Variants in CDC42EP3 observed in about 807,000 individuals in gnomAD.
The protein encoded by CDC42EP3 is CDC42 effector protein 3.
In CDC42EP3, 4 loss-of-function variants were observed where a neutral mutation model predicts 15.5. That is an observed-to-expected ratio of 0.26 (90% confidence interval 0.13 to 0.59). The LOEUF (loss-of-function observed/expected upper bound fraction) is 0.59. Ranked by LOEUF, CDC42EP3 falls within the 20% of genes least tolerant of loss-of-function variation. The pLI, the probability that CDC42EP3 is intolerant of heterozygous loss-of-function variation, is 0.89. For missense variants in CDC42EP3, 309 were observed against 311.2 expected (o/e 0.99, Z 0.05); for synonymous variants, 145 against 130.3 (o/e 1.11, Z -0.77).
chr2:37,664,169 A>G (rs754644103), intron 1 of CDC42EP3, among the ~76,000 whole-genome samples: 12 of 152,054 alleles, frequency 7.9e-5, no homozygotes, highest in Non-Finnish European at 1.5e-4. Flanking sequence ...GTGAGACTCC[A>G]TCTCAAAACA....
chr2:37,644,442 G>C lies in CDC42EP3; in HGVS notation c.*1381C>G, dbSNP rs566376508. 6.6e-6 allele frequency: 1 copy of C among 152,190 alleles called. No homozygotes were observed. Among genetic ancestry groups the C allele is most frequent in the Non-Finnish European group, 1.5e-5 (1 of 68,026 alleles). 9.4% of individuals were successfully genotyped at this position (152,190 alleles called of 1,614,324 possible). A position where few individuals can be genotyped will look rare whatever the true frequency, so the allele number is the denominator to read the frequency against. On this transcript the variant is annotated 3_prime_UTR_variant, in exon 2 of 2. Transcript: ENST00000295324. ...GGCATCTCTGGCACCTTGGGGTCGG[G>C]TAAGTGCTCTCTACTGCCCTCGTTT...
chr2:37,671,337 C>A (rs1666412065), intron 1 of CDC42EP3, 89 bp downstream of exon 1: 2 of 152,384 alleles, frequency 1.3e-5, no homozygotes, highest in African/African-American at 4.8e-5. Flanking sequence ...CAGCCTAACA[C>A]CAGCGCACGC....
chr2:37,653,995 A>C (rs1051169330), intron 1 of CDC42EP3, among the ~76,000 whole-genome samples: 1 of 152,144 alleles, frequency 6.6e-6, no homozygotes, highest in Non-Finnish European at 1.5e-5. Context: ...TTGCCTCAGC[A>C]CAGTCGCACT....
At chr2:37,665,585 T>C (rs1473416637) in intron 1 of CDC42EP3, among the ~76,000 whole-genome samples, 3 of 152,252 alleles carry the variant, frequency 2.0e-5, no homozygotes, top group Admixed American at 2.0e-4. Context: ...GATTATGATG[T>C]ATTTGGACAG....
chr2:37,653,484 G>C (rs899632019), intron 1 of CDC42EP3, among the ~76,000 whole-genome samples: 4 of 152,116 alleles, frequency 2.6e-5, no homozygotes, highest in African/African-American at 9.7e-5. Context: ...CTGAAGCGGT[G>C]CTTTGCTTCA....
chr2:37,672,720 G>A (rs1666473583), upstream of CDC42EP3, among the ~76,000 whole-genome samples: 1 of 152,248 alleles, frequency 6.6e-6, no homozygotes, highest in African/African-American at 2.4e-5. Context: ...GGTCAGCCAG[G>A]GGAGGGGGCT....
chr2:37,652,452 G>T (rs554038391), intron 1 of CDC42EP3, among the ~76,000 whole-genome samples: 1 of 152,314 alleles, frequency 6.6e-6, no homozygotes, highest in Non-Finnish European at 1.5e-5. Context: ...CCAGATGAGA[G>T]AATTTTAGCT....
intron 1 of CDC42EP3, among the ~76,000 whole-genome samples, chr2:37,657,689 A>G (rs1665920940): frequency 6.6e-6 from 1 of 152,166 alleles, no homozygotes; most frequent in South Asian, 2.1e-4. Context: ...GAACACACCT[A>G]TGCCTATTCA....
intron 1 of CDC42EP3, among the ~76,000 whole-genome samples, chr2:37,670,045 A>T (rs1666357969): frequency 6.6e-6 from 1 of 152,226 alleles, no homozygotes; most frequent in African/African-American, 2.4e-5. Context: ...AACTGTCCAG[A>T]AAAGAAGAGA....
At chr2:37,654,818 G>C (rs555228721) in intron 1 of CDC42EP3, among the ~76,000 whole-genome samples, 1 of 152,244 alleles carries the variant, frequency 6.6e-6, no homozygotes, top group Admixed American at 6.5e-5. Flanking sequence ...TTTGGGATCA[G>C]AAACACTAAA....
intron 1 of CDC42EP3, among the ~76,000 whole-genome samples, chr2:37,663,190 A>G (rs1034198418): frequency 2.1e-5 from 3 of 145,952 alleles, no homozygotes; most frequent in African/African-American, 8.0e-5. Flanking sequence ...AAAACAAAAC[A>G]AAACAAAAAA....
At chr2:37,657,834 A>G (rs1665928143) in intron 1 of CDC42EP3, among the ~76,000 whole-genome samples, 1 of 152,122 alleles carries the variant, frequency 6.6e-6, no homozygotes, top group Non-Finnish European at 1.5e-5. Flanking sequence ...TCTAGTGGGT[A>G]GAAGCCAGGA....
In CDC42EP3 at chr2:37,644,544, C is replaced by T. The variant is rs1020274195; in HGVS notation, c.*1279G>A. The T allele has an allele frequency of 1.3e-5, 2 of 150,874 alleles. No homozygotes were observed. Among genetic ancestry groups the T allele is most frequent in the African/African-American group, 4.9e-5 (2 of 40,904 alleles). The allele number at this position is 150,874 out of a possible 1,614,324, so 9.3% of individuals were successfully genotyped here. ...CCTTACAGGGATGAAACTGGACTTG[C>T]AAGAGTTTGCTGTAGAAGGTGTTCA... On this transcript the variant is annotated 3_prime_UTR_variant, in exon 2 of 2. Transcript: ENST00000295324.
chr2:37,657,001 C>CCCCCCG (rs1208218676), intron 1 of CDC42EP3, among the ~76,000 whole-genome samples: 84 of 103,194 alleles, frequency 8.1e-4, no homozygotes, highest in East Asian at 8.0e-3. Flanking sequence ...CCCCCCGCCC[C>CCCCCCG]CCGCCATCCT....
intron 1 of CDC42EP3, among the ~76,000 whole-genome samples, chr2:37,667,591 A>G (rs1360981552): frequency 6.6e-6 from 1 of 152,138 alleles, no homozygotes; most frequent in Non-Finnish European, 1.5e-5. Flanking sequence ...GCTTATGTTA[A>G]CCCTAGCAGT....
At chr2:37,670,480 CACT>C (rs1274926089) in intron 1 of CDC42EP3, among the ~76,000 whole-genome samples, 1 of 146,082 alleles carries the variant, frequency 6.8e-6, no homozygotes, top group East Asian at 1.9e-4. Context: ...TTAATTCGCT[CACT>C]TTTTTTTTTT....
chr2:37,649,720 C>T (rs1449855215), intron 1 of CDC42EP3, among the ~76,000 whole-genome samples: 2 of 152,078 alleles, frequency 1.3e-5, no homozygotes, highest in Non-Finnish European at 2.9e-5. Context: ...CTTGCCCAGC[C>T]ACAGGCACCA....
In CDC42EP3 at chr2:37,645,678, TA is replaced by T; in HGVS notation, c.*144del. 1.4e-6 allele frequency: 1 copy of T among 690,634 alleles called. No individual in the cohort carries two copies. The highest frequency in any genetic ancestry group is 2.3e-6 in the Non-Finnish European group (1 of 432,514). 42.8% of individuals were successfully genotyped at this position (690,634 alleles called of 1,614,324 possible). On this transcript the variant is annotated 3_prime_UTR_variant, in exon 2 of 2. Transcript: ENST00000295324. ...CTAAATTGTTTTTGCAAACAGGGCATAACAGGTAAAAAAATACTTTGTAAGA... is the reference window on the plus strand; with the variant it reads ...CTAAATTGTTTTTGCAAACAGGGCATACAGGTAAAAAAATACTTTGTAAGA...
At chr2:37,650,147 C>T (rs1027846591) in intron 1 of CDC42EP3, among the ~76,000 whole-genome samples, 1 of 152,140 alleles carries the variant, frequency 6.6e-6, no homozygotes, top group African/African-American at 2.4e-5. Context: ...TCTAGTCCTT[C>T]TATTGCATCT....
Sources: gnomAD v4.1 joint callset for allele counts (sites outside exome capture counted in the v4.1 genomes callset) on GRCh38, gnomAD v4.1.1 for gene constraint, MANE v1.5 for transcripts, NCBI Gene and HGNC (gene_info 2026-07-23, HGNC 2026-07-21) for gene names.